GRIN2B: variants seen among roughly 807,000 people sequenced by gnomAD.
GRIN2B encodes glutamate receptor ionotropic, NMDA 2B.
Under a neutral mutation model 114.5 loss-of-function variants are expected in GRIN2B, and 5 were observed. That is an observed-to-expected ratio of 0.04 (90% CI 0.02 to 0.09). The LOEUF is 0.09. GRIN2B is among the 10% of genes least tolerant of loss of function. The probability of loss-of-function intolerance (pLI) is 1.00; values close to 1 mark genes in which losing one functional copy is unlikely to be tolerated. For missense variants in GRIN2B, 1,108 were observed against 1,943.5 expected (o/e 0.57, Z 8.08); for synonymous variants, 787 against 745.1 (o/e 1.06, Z -0.92).
intron 2 of GRIN2B, among the ~76,000 whole-genome samples, chr12:13,874,515 A>C (rs1865965595): frequency 6.6e-6 from 1 of 152,222 alleles, no homozygotes; most frequent in African/African-American, 2.4e-5. Context: ...AGACATCAAA[A>C]TTGCTCAAAG....
At position 13,615,095 on chromosome 12, in the gene GRIN2B, C is replaced by A. The variant is rs746677072; in HGVS notation, c.1654+19G>T. On this transcript the variant is annotated intron_variant, in intron 8 of 13. Transcript: ENST00000609686. This position sits in a 1 kb window ranked among gnomAD's most constrained non-coding sequence, Gnocchi z 5.8. ...CATCCATACGTCCATTTCCTTCCAC[C>A]AGCAAACCCATCATTTACCTAAGAA... 1.9e-6 allele frequency: 3 copies of A among 1,606,088 alleles called. No homozygotes were observed. The highest frequency in any genetic ancestry group is 2.6e-6 in the Non-Finnish European group (3 of 1,172,684).
At chr12:13,734,365 A>G (rs1483299388) in intron 4 of GRIN2B, among the ~76,000 whole-genome samples, 1 of 152,164 alleles carries the variant, frequency 6.6e-6, no homozygotes, top group Non-Finnish European at 1.5e-5. Context: ...TGCAGATATA[A>G]AAGGAATAAA....
chr12:13,680,174 C>T (rs1183675173), intron 4 of GRIN2B, among the ~76,000 whole-genome samples: 2 of 152,102 alleles, frequency 1.3e-5, no homozygotes, highest in Non-Finnish European at 2.9e-5. Context: ...ATCAATTTAA[C>T]TTTCCATAAG....
In GRIN2B at chr12:13,539,606, G is replaced by C. The variant is rs1056980875; in HGVS notation, c.*23177C>G. The C allele has an allele frequency of 2.6e-5, 4 of 151,588 alleles. No homozygotes were observed. The East Asian group carries it at 7.9e-4, about 30-fold the overall frequency. 9.4% of individuals were successfully genotyped at this position (151,588 alleles called of 1,614,324 possible). On this transcript the variant is annotated 3_prime_UTR_variant, in exon 14 of 14. Transcript: ENST00000609686. Reference sequence around the variant, plus strand: ...GCTTTTCTGACACCTCCAAGCAATGGAAGTATGCATTAAAGAGTAAAACAA... The same window carrying C: ...GCTTTTCTGACACCTCCAAGCAATGCAAGTATGCATTAAAGAGTAAAACAA...
At chr12:13,799,981 T>C (rs1414355189) in intron 3 of GRIN2B, among the ~76,000 whole-genome samples, 1 of 152,118 alleles carries the variant, frequency 6.6e-6, no homozygotes, top group Non-Finnish European at 1.5e-5. Context: ...GGGACTCTAC[T>C]GAACAATACC....
intron 4 of GRIN2B, among the ~76,000 whole-genome samples, chr12:13,704,570 C>T (rs746454767): frequency 2.1e-4 from 32 of 152,092 alleles, no homozygotes; most frequent in Non-Finnish European, 4.0e-4. Flanking sequence ...CTCTAGGAGA[C>T]ACCCACATAC....
At chr12:13,730,288 A>T (rs1863065397) in intron 4 of GRIN2B, among the ~76,000 whole-genome samples, 1 of 152,202 alleles carries the variant, frequency 6.6e-6, no homozygotes, top group South Asian at 2.1e-4. Context: ...CTTTCCAAAT[A>T]CAATGTTTTA....
chr12:13,777,129 G>A (rs1243459502), intron 3 of GRIN2B, among the ~76,000 whole-genome samples: 3 of 152,112 alleles, frequency 2.0e-5, no homozygotes, highest in Non-Finnish European at 4.4e-5. Flanking sequence ...AGTAAGAATC[G>A]CTTCTGAATA....
At chr12:13,738,348 T>C (rs1012697535) in intron 4 of GRIN2B, among the ~76,000 whole-genome samples, 1 of 152,248 alleles carries the variant, frequency 6.6e-6, no homozygotes, top group African/African-American at 2.4e-5. Context: ...ACATCAAATT[T>C]GAAACTTCAA....
chr12:13,682,460 T>C (rs1950139908), intron 4 of GRIN2B, among the ~76,000 whole-genome samples: 1 of 152,196 alleles, frequency 6.6e-6, no homozygotes, highest in African/African-American at 2.4e-5. Flanking sequence ...ATAGTTTGTC[T>C]TCCAGTGGAT....
At chr12:13,940,438 G>GCACA (rs141427427) in intron 2 of GRIN2B, among the ~76,000 whole-genome samples, 14,237 of 150,802 alleles carry the variant, frequency 0.094, 1,336 homozygotes, top group East Asian at 0.41. Context: ...TCTCCTTGGC[G>GCACA]CACACACACA....
At chr12:13,872,746 C>T (rs1036241127) in intron 2 of GRIN2B, among the ~76,000 whole-genome samples, 4 of 152,100 alleles carry the variant, frequency 2.6e-5, no homozygotes, top group South Asian at 2.1e-4. Flanking sequence ...ATCAAGAGAT[C>T]GTCAGCCTTT....
intron 3 of GRIN2B, among the ~76,000 whole-genome samples, chr12:13,848,184 T>C (rs756034181): frequency 1.9e-4 from 29 of 152,316 alleles, no homozygotes; most frequent in Admixed American, 1.4e-3. Context: ...AAAATACATA[T>C]TTCCCTTATG....
chr12:13,840,136 G>A (rs1480465317), intron 3 of GRIN2B, among the ~76,000 whole-genome samples: 18 of 152,234 alleles, frequency 1.2e-4, no homozygotes, highest in Non-Finnish European at 1.8e-4. Context: ...ACTACAGTGC[G>A]TAACGTACTG....
At chr12:13,654,485 G>C (rs573802939) in intron 5 of GRIN2B, among the ~76,000 whole-genome samples, 1 of 152,298 alleles carries the variant, frequency 6.6e-6, no homozygotes, top group East Asian at 1.9e-4. Flanking sequence ...TGCTGACTCT[G>C]ATGGTCTCTG....
chr12:13,569,558 C>T (rs778746232), intron 12 of GRIN2B, among the ~76,000 whole-genome samples: 13 of 152,116 alleles, frequency 8.5e-5, no homozygotes, highest in African/African-American at 2.4e-4. Context: ...TTGCAGACCC[C>T]GGAAGAGATT....
intron 4 of GRIN2B, among the ~76,000 whole-genome samples, chr12:13,704,946 C>A (rs1181192424): frequency 6.6e-6 from 1 of 152,028 alleles, no homozygotes; most frequent in Non-Finnish European, 1.5e-5. Context: ...ATATTAATGC[C>A]CCATGACTGA....
In GRIN2B at chr12:13,548,108, C is replaced by T. The variant is rs1352564173; in HGVS notation, c.*14675G>A. ...AAACCATCAGAGGAATTACATTCCA[C>T]CCCTAGGCTCAGTGGGAAAGAGTTT... On this transcript the variant is annotated 3_prime_UTR_variant, in exon 14 of 14. Coordinates refer to ENST00000609686, the MANE Select transcript of GRIN2B (RefSeq NM_000834.5). 2 of 151,076 alleles carry T rather than the reference C, an allele frequency of 1.3e-5. No individual in the cohort carries two copies. Among genetic ancestry groups the T allele is most frequent in the Non-Finnish European group, 2.9e-5 (2 of 67,816 alleles). The allele number at this position is 151,076 out of a possible 1,614,324, so 9.4% of individuals were successfully genotyped here. A position where few individuals can be genotyped will look rare whatever the true frequency, so the allele number is the denominator to read the frequency against.
intron 3 of GRIN2B, among the ~76,000 whole-genome samples, chr12:13,794,084 T>A (rs1330854573): frequency 4.3e-5 from 6 of 139,894 alleles, no homozygotes; most frequent in Admixed American, 1.4e-4. Flanking sequence ...CCAGGTGTCG[T>A]AACATGTGCC....
Sources: allele counts gnomAD v4.1 joint callset (sites outside exome capture counted in the v4.1 genomes callset), GRCh38; gene constraint gnomAD v4.1.1; non-coding constraint Gnocchi (gnomAD v3.1); transcripts MANE v1.5; gene names NCBI Gene and HGNC (gene_info 2026-07-23, HGNC 2026-07-21).